The following STAC variants were observed in gnomAD, a reference collection of about 807,000 sequenced individuals.
The protein encoded by STAC is SH3 and cysteine rich domain, also known as SH3 and cysteine-rich domain-containing protein.
STAC carries 43 observed loss-of-function variants against 48.8 expected under a neutral mutation model. That is an observed-to-expected ratio of 0.88 (90% confidence interval 0.69 to 1.14). STAC has a LOEUF of 1.14. Ranked by LOEUF, STAC falls within the 50% of genes most tolerant of loss-of-function variation. STAC has a pLI of 0.00. For synonymous variants in STAC, 193 were observed against 179.5 expected, an observed-to-expected ratio of 1.07 and a Z score of -0.60; for missense variants, 497 against 504.0, an observed-to-expected ratio of 0.99 and a Z score of 0.13.
rs1559509447 is a variant in STAC at position 36,485,078 on chromosome 3, GGTTGA to G, written c.571+29_571+33del. 6.3e-7 allele frequency: 1 copy of G among 1,585,148 alleles called. No homozygotes were observed. The highest frequency in any genetic ancestry group is 1.2e-5 in the South Asian group (1 of 86,378). On this transcript the variant is annotated intron_variant, in intron 4 of 10. Coordinates refer to ENST00000273183, the MANE Select transcript of STAC (RefSeq NM_003149.3). ...CCATTGGTGAGTTGGGACATTGATG[GGTTGA>G]GTTGAGTTTGAAGCAGCAAAGTTAA...
chr3:36,510,356 G>A (rs1186430250), intron 8 of STAC, among the ~76,000 whole-genome samples: 1 of 152,144 alleles, frequency 6.6e-6, no homozygotes, highest in African/African-American at 2.4e-5. Flanking sequence ...ACTGTTTATG[G>A]GGCTGTAAAT....
At chr3:36,464,423 T>A (rs1015314870) in intron 2 of STAC, among the ~76,000 whole-genome samples, 11 of 109,964 alleles carry the variant, frequency 1.0e-4, no homozygotes, top group Admixed American at 2.1e-4. Flanking sequence ...ACATTAGCAC[T>A]TTGTCAGATT....
intron 10 of STAC, among the ~76,000 whole-genome samples, chr3:36,540,023 T>A (rs1344637456): frequency 6.6e-6 from 1 of 152,116 alleles, no homozygotes; most frequent in Admixed American, 6.6e-5. Context: ...TCACAGAGAT[T>A]CTTAGAAGAG....
chr3:36,473,525 T>C (rs1005623610), intron 2 of STAC, among the ~76,000 whole-genome samples: 1 of 152,210 alleles, frequency 6.6e-6, no homozygotes, highest in African/African-American at 2.4e-5. Context: ...CATTTTGTGC[T>C]CATGACAGCC....
chr3:36,444,848 G>T (rs766641195), intron 2 of STAC, among the ~76,000 whole-genome samples: 1 of 152,106 alleles, frequency 6.6e-6, no homozygotes, highest in Non-Finnish European at 1.5e-5. Context: ...ATCTCCATAC[G>T]GACTTAATGC....
At chr3:36,491,539 CT>C (rs935409923) in intron 5 of STAC, among the ~76,000 whole-genome samples, 2 of 151,742 alleles carry the variant, frequency 1.3e-5, no homozygotes, top group African/African-American at 2.4e-5. Flanking sequence ...GACCCTGTGA[CT>C]TTTTTTTCTT....
chr3:36,546,400 A>G lies in STAC; in HGVS notation c.*111A>G. The G allele has an allele frequency of 3.4e-6, 3 of 882,244 alleles. No homozygotes were observed. The highest frequency in any genetic ancestry group is 5.5e-6 in the Non-Finnish European group (3 of 542,558). The allele number at this position is 882,244 out of a possible 1,614,324, so 54.7% of individuals were successfully genotyped here. ...GCCGCACTGACCCAGCCCCCCAGGA[A>G]ACAGTGAGACAAGAATCAAGTATCT... On this transcript the variant is annotated 3_prime_UTR_variant, in exon 11 of 11. Transcript: ENST00000273183.
chr3:36,537,962 G>GA (rs1321375881), intron 10 of STAC, among the ~76,000 whole-genome samples: 2 of 150,994 alleles, frequency 1.3e-5, no homozygotes, highest in African/African-American at 4.9e-5. Flanking sequence ...AAAAAAAACA[G>GA]AAAAAAATAT....
chr3:36,466,151 G>A (rs1483316187), intron 2 of STAC, among the ~76,000 whole-genome samples: 2 of 152,136 alleles, frequency 1.3e-5, no homozygotes, highest in Non-Finnish European at 2.9e-5. Context: ...TTGTTGAATA[G>A]GATGTCTTTT....
At chr3:36,469,862 T>C (rs76468394) in intron 2 of STAC, among the ~76,000 whole-genome samples, 4,795 of 152,290 alleles carry the variant, frequency 0.031, 226 homozygotes, top group African/African-American at 0.11. Flanking sequence ...GATTCTATTG[T>C]CAAGACTTTC....
At chr3:36,469,778 T>A (rs1037061723) in intron 2 of STAC, among the ~76,000 whole-genome samples, 32 of 152,174 alleles carry the variant, frequency 2.1e-4, no homozygotes, top group South Asian at 8.3e-4. Flanking sequence ...TATTTTTTTT[T>A]ATTTTTCTTT....
intron 1 of STAC, among the ~76,000 whole-genome samples, chr3:36,423,424 A>G (rs1263637649): frequency 6.6e-6 from 1 of 151,480 alleles, no homozygotes; most frequent in Non-Finnish European, 1.5e-5. Flanking sequence ...TTCAATAAGA[A>G]ATAAATTAAA....
intron 1 of STAC, among the ~76,000 whole-genome samples, chr3:36,382,483 A>G (rs559198607): frequency 6.6e-6 from 1 of 152,286 alleles, no homozygotes; most frequent in African/African-American, 2.4e-5. Flanking sequence ...GTTTTGTACA[A>G]ATTAGTTTTT....
chr3:36,444,383 C>G (rs1235573806), intron 2 of STAC, among the ~76,000 whole-genome samples: 1 of 152,190 alleles, frequency 6.6e-6, no homozygotes, highest in East Asian at 1.9e-4. Flanking sequence ...ATGTTTTACT[C>G]TCACTCAGGC....
Position 36,528,742 on chromosome 3 carries a change from T to G in STAC, c.967T>G (p.Trp323Gly). 2 of 1,607,050 alleles carry G rather than the reference T, an allele frequency of 1.2e-6. No individual in the cohort carries two copies. Among genetic ancestry groups the G allele is most frequent in the Non-Finnish European group, 8.5e-7 (1 of 1,177,184 alleles). The change falls in exon 9 of 11, where the codon TGG becomes GGG. Residue 323 changes from tryptophan (W) to glycine (G), a missense_variant. Physicochemically the swap from Trp to Gly is radical, Grantham distance 184 (BLOSUM62 -2). Transcript: ENST00000273183. The stretch of plus-strand genomic sequence containing the variant: ...TTTAGAGGATTCCAATGAAGACTGG[T>G]GGAAAGTAAGTGTTCCTCTTTCTTT... ...TLLEDSNEDW[W>G]KGKIQDRIGF... is the part of the protein sequence containing the mutation.
chr3:36,432,831 C>T (rs964004553), intron 1 of STAC, among the ~76,000 whole-genome samples: 2 of 152,150 alleles, frequency 1.3e-5, no homozygotes, highest in Admixed American at 6.5e-5. Flanking sequence ...TTCTTTCTAC[C>T]ACCCTCTCCT....
intron 4 of STAC, 43 bp from the exon 5 acceptor site, chr3:36,486,091 T>G (rs1401937264): frequency 2.0e-6 from 3 of 1,527,734 alleles, no homozygotes; most frequent in African/African-American, 1.4e-5. Context: ...GGCTGGGTCC[T>G]CTCAGATGAG....
At position 36,528,706 on chromosome 3, in the gene STAC, A is replaced by G; in HGVS notation, c.931A>G (p.Ile311Val). 6.2e-7 allele frequency: 1 copy of G among 1,601,986 alleles called. No homozygotes were observed. The highest frequency in any genetic ancestry group is 8.5e-7 in the Non-Finnish European group (1 of 1,175,600). Residue 311 changes from isoleucine to valine, a missense_variant, in exon 9 of 11, where the codon ATA (isoleucine) becomes GTA (valine). Ile to Val is a conservative substitution (Grantham distance 29). Coordinates refer to ENST00000273183, the MANE Select transcript of STAC (RefSeq NM_003149.3). Reference protein sequence around the residue: ...NEDLEMRPGDIITLLEDSNED... With the variant: ...NEDLEMRPGDVITLLEDSNED... ...CATTCTTCATTTTAGGCCAGGAGAC[A>G]TAATTACTCTTTTAGAGGATTCCAA...
intron 10 of STAC, among the ~76,000 whole-genome samples, chr3:36,533,755 G>C (rs2125498880): frequency 6.6e-6 from 1 of 152,066 alleles, no homozygotes; most frequent in Middle Eastern, 3.4e-3. Flanking sequence ...GTGTGGAGGA[G>C]GTAAGGCAAA....
Sources: gnomAD v4.1 joint callset for allele counts (sites outside exome capture counted in the v4.1 genomes callset) on GRCh38, gnomAD v4.1.1 for gene constraint, MANE v1.5 for transcripts, NCBI Gene and HGNC (gene_info 2026-07-23, HGNC 2026-07-21) for gene names.